The following ZNF143 variants were observed in gnomAD, a reference collection of about 807,000 sequenced individuals.
ZNF143 encodes zinc finger protein 143.
A neutral mutation model predicts 74.1 loss-of-function variants in ZNF143; 49 were observed. The ratio of observed to expected loss-of-function variants is 0.66; its 90% CI spans 0.53 to 0.84. The LOEUF (loss-of-function observed/expected upper bound fraction) is 0.84. Ranked by LOEUF, ZNF143 falls within the 40% of genes least tolerant of loss-of-function variation. The pLI is 0.00. For synonymous variants in ZNF143, 304 were observed against 282.8 expected (o/e 1.07, Z -0.75); for missense variants, 637 against 793.4 (o/e 0.80, Z 2.37).
chr11:9,508,640 C>T lies in ZNF143; in HGVS notation c.1169C>T (p.Thr390Ile), dbSNP rs1237746733. 2 of 1,612,574 alleles carry T rather than the reference C, an allele frequency of 1.2e-6. No homozygotes were observed. The highest frequency in any genetic ancestry group is 1.7e-6 in the Non-Finnish European group (2 of 1,179,998). ...IHTGEKPYVC[T>I]VPGCDKRFTE... ...TTAGGAGAAAAGCCATATGTTTGTA[C>T]AGTTCCTGGGTGTGACAAAAGGTTT... Residue 390 changes from threonine to isoleucine, a missense_variant, in exon 12 of 16, where the codon ACA (threonine) becomes ATA (isoleucine). Around this residue, in one of 2 missense-constraint regions of ZNF143, gnomAD observed 344 missense variants for 485.6 expected, o/e 0.71. Coordinates refer to ENST00000396602, the MANE Select transcript of ZNF143 (RefSeq NM_003442.6).
intron 7 of ZNF143, among the ~76,000 whole-genome samples, chr11:9,487,043 T>G (rs1847584801): frequency 6.9e-6 from 1 of 145,854 alleles, no homozygotes; most frequent in African/African-American, 2.6e-5. Flanking sequence ...CTTGGCTCAC[T>G]GCTACCTCCA....
At chr11:9,480,762 C>T (rs1391604594) in intron 7 of ZNF143, among the ~76,000 whole-genome samples, 1 of 151,786 alleles carries the variant, frequency 6.6e-6, no homozygotes, top group Non-Finnish European at 1.5e-5. Flanking sequence ...TGGCTAGTGC[C>T]TATAATCCTA....
chr11:9,516,450 C>A, intron 14 of ZNF143, 88 bp downstream of exon 14: 1 of 1,275,252 alleles, frequency 7.8e-7, no homozygotes, highest in Non-Finnish European at 1.1e-6. Context: ...AACAGTTAAG[C>A]ACACAAACTT....
intron 15 of ZNF143, among the ~76,000 whole-genome samples, chr11:9,526,585 ATTTT>A (rs35509156): frequency 6.8e-6 from 1 of 147,412 alleles, no homozygotes; most frequent in East Asian, 2.0e-4. Flanking sequence ...GCATGTATGA[ATTTT>A]TTTTTTTTTT....
rs572102387 is a variant in ZNF143, at chr11:9,482,064, G to C, written c.645+2518G>C. 2.8e-5 allele frequency among the ~76,000 whole-genome samples: 4 copies of C among 141,788 alleles called. No individual in the cohort carries two copies. The East Asian group carries it at 6.5e-4, about 23-fold the overall frequency. The allele number at this position is 141,788 out of a possible 152,430, so 93.0% of individuals were successfully genotyped here. A position where few individuals can be genotyped will look rare whatever the true frequency, so the allele number is the denominator to read the frequency against. On this transcript the variant is annotated intron_variant, in intron 7 of 15. Transcript: ENST00000396602. ...TGGCTCACTGCAAGCTCTGCCTCCCGGGTTCACGCCATTCTCCTGCCTCAG... is the reference window on the plus strand; with the variant it reads ...TGGCTCACTGCAAGCTCTGCCTCCCCGGTTCACGCCATTCTCCTGCCTCAG...
At chr11:9,485,128 G>GT (rs1040004644) in intron 7 of ZNF143, among the ~76,000 whole-genome samples, 18 of 150,220 alleles carry the variant, frequency 1.2e-4, no homozygotes, top group African/African-American at 4.0e-4. Flanking sequence ...TATTTTTAGT[G>GT]TTTTTTTTAA....
At chr11:9,491,482 CA>C (rs1376946316) in intron 7 of ZNF143, among the ~76,000 whole-genome samples, 1 of 151,740 alleles carries the variant, frequency 6.6e-6, no homozygotes, top group East Asian at 1.9e-4. Context: ...TAAAAACACA[CA>C]AAAAAATTAG....
intron 1 of ZNF143, among the ~76,000 whole-genome samples, chr11:9,465,635 G>C (rs1385125312): frequency 6.7e-6 from 1 of 150,114 alleles, no homozygotes; most frequent in African/African-American, 2.5e-5. Flanking sequence ...TAGTAGCTGG[G>C]ACTATAGGCG....
intron 7 of ZNF143, among the ~76,000 whole-genome samples, chr11:9,486,968 C>CT (rs779391254): frequency 0.013 from 1,399 of 104,638 alleles, 37 homozygotes; most frequent in African/African-American, 0.039. Context: ...GCACCTGGCC[C>CT]TTTTTTTTTT....
chr11:9,520,905 T>C (rs918747415), intron 14 of ZNF143, among the ~76,000 whole-genome samples: 27 of 152,280 alleles, frequency 1.8e-4, no homozygotes, highest in African/African-American at 6.5e-4. Flanking sequence ...GTGGTTTTAA[T>C]TTACATATAA....
chr11:9,525,272 C>G lies in ZNF143; in HGVS notation c.1719C>G (p.Phe573Leu). The stretch of plus-strand genomic sequence containing the variant: ...TTGTAGCTCAAGACTTGGCAGCATT[C>G]CATACTGCCTCATCAGAAATGGGGC... ...VAIVAQDLAAFHTASSEMGHQ... is the reference protein window; with the variant it reads ...VAIVAQDLAALHTASSEMGHQ... The change falls in exon 15 of 16, where the codon TTC becomes TTG. Residue 573 changes from phenylalanine to leucine, a missense_variant. By Grantham distance (22) the Phe-to-Leu change is conservative. Transcript: ENST00000396602. The G allele has an allele frequency of 6.2e-7, 1 of 1,614,136 alleles. No homozygotes were observed. Among genetic ancestry groups the G allele is most frequent in the Non-Finnish European group, 8.5e-7 (1 of 1,180,032 alleles).
At chr11:9,511,701 G>A (rs1848553633) in intron 12 of ZNF143, among the ~76,000 whole-genome samples, 1 of 149,932 alleles carries the variant, frequency 6.7e-6, no homozygotes, top group South Asian at 2.1e-4. Context: ...GCTTCCCAAA[G>A]TACTGACTGG....
intron 5 of ZNF143, among the ~76,000 whole-genome samples, chr11:9,477,292 G>A (rs1336678686): frequency 7.7e-6 from 1 of 129,842 alleles, no homozygotes; most frequent in East Asian, 2.2e-4. Flanking sequence ...GTCTTGCTCT[G>A]TCACCAGGCT....
intron 5 of ZNF143, 80 bp from the exon 6 acceptor site, chr11:9,478,310 C>A: frequency 6.9e-7 from 1 of 1,459,678 alleles, no homozygotes; most frequent in Non-Finnish European, 9.4e-7. Context: ...AATAAAAGCT[C>A]ATTTCTCTCT....
At chr11:9,525,705 TAA>T (rs756717722) in intron 15 of ZNF143, among the ~76,000 whole-genome samples, 4 of 152,172 alleles carry the variant, frequency 2.6e-5, no homozygotes, top group Admixed American at 6.5e-5. Flanking sequence ...GTAAAGCACT[TAA>T]GAGCTACTCC....
chr11:9,471,272 T>G (rs1240130652), intron 1 of ZNF143, 30 bp from the exon 2 acceptor site: 12 of 1,533,978 alleles, frequency 7.8e-6, no homozygotes, highest in Non-Finnish European at 1.1e-5. Flanking sequence ...TATCATTCTT[T>G]GTTCCCAAGT....
intron 7 of ZNF143, among the ~76,000 whole-genome samples, chr11:9,487,935 G>A (rs1454196413): frequency 1.3e-5 from 2 of 152,094 alleles, no homozygotes; most frequent in African/African-American, 4.8e-5. Context: ...TAAAACATCT[G>A]TAGAATCAGC....
chr11:9,466,325 T>TG (rs564390027), intron 1 of ZNF143, among the ~76,000 whole-genome samples: 1 of 146,568 alleles, frequency 6.8e-6, no homozygotes, highest in Non-Finnish European at 1.5e-5. Flanking sequence ...GATGGAGTCT[T>TG]GCTCTTGTTG....
At chr11:9,513,902 A>C (rs995084353) in intron 13 of ZNF143, among the ~76,000 whole-genome samples, 3 of 152,124 alleles carry the variant, frequency 2.0e-5, no homozygotes, top group African/African-American at 7.2e-5. Flanking sequence ...TAAATAAATA[A>C]ATACATTTTA....
Sources: gnomAD v4.1 joint callset for allele counts (sites outside exome capture counted in the v4.1 genomes callset) on GRCh38, gnomAD v4.1.1 for gene constraint, gnomAD v4.1.1 regional missense constraint, MANE v1.5 for transcripts, NCBI Gene and HGNC (gene_info 2026-07-23, HGNC 2026-07-21) for gene names.